Variants in RPS6KA2 observed in about 807,000 individuals in gnomAD.
RPS6KA2 encodes the protein ribosomal protein S6 kinase A2.
In RPS6KA2, 42 loss-of-function variants were observed where a neutral mutation model predicts 91.8. That is an observed-to-expected ratio of 0.46 (90% CI 0.36 to 0.59). The LOEUF (loss-of-function observed/expected upper bound fraction) is 0.59, where lower values mean the gene tolerates loss of function less well. RPS6KA2 is among the 20% of genes least tolerant of loss of function. The pLI, the probability that RPS6KA2 is intolerant of heterozygous loss-of-function variation, is 0.00. For synonymous variants in RPS6KA2, 414 were observed against 393.6 expected (o/e 1.05, Z -0.61); for missense variants, 798 against 978.5 (o/e 0.82, Z 2.46).
intron 2 of RPS6KA2, among the ~76,000 whole-genome samples, chr6:166,681,534 G>A (rs910328618): frequency 3.3e-5 from 5 of 151,624 alleles, no homozygotes; most frequent in African/African-American, 9.7e-5. Flanking sequence ...AGTGCTGATC[G>A]GTGGCCCCAG....
At position 166,861,560 on chromosome 6, in the gene RPS6KA2, T is replaced by C. The variant is rs116435908; in HGVS notation, c.63+548A>G. ...CTGGGACGGGCAAGGAACACTTTGA[T>C]TTCATTATCTTTTCTGTTTATCTTT... is the stretch of plus-strand genomic sequence containing the variant. On this transcript the variant is annotated intron_variant, in intron 1 of 21. Transcript: ENST00000503859. Among the ~76,000 whole-genome samples the C allele has an allele frequency of 5.4e-3, 819 of 152,356 alleles. 8 individuals carry two copies. Among genetic ancestry groups the C allele is most frequent in the African/African-American group, 0.019 (786 of 41,576 alleles).
chr6:166,772,500 A>C (rs1313072902), intron 2 of RPS6KA2, among the ~76,000 whole-genome samples: 1 of 152,248 alleles, frequency 6.6e-6, no homozygotes, highest in Non-Finnish European at 1.5e-5. Flanking sequence ...TGAGCCAACA[A>C]ATTGCCAATT....
At chr6:166,756,298 A>C (rs933240581) in intron 2 of RPS6KA2, among the ~76,000 whole-genome samples, 1 of 152,160 alleles carries the variant, frequency 6.6e-6, no homozygotes. Context: ...TCAAAAAAAA[A>C]CCAAAAACAA....
At chr6:166,514,642 CAT>C (rs2128484612) in intron 3 of RPS6KA2, among the ~76,000 whole-genome samples, 1 of 152,286 alleles carries the variant, frequency 6.6e-6, no homozygotes, top group South Asian at 2.1e-4. Context: ...TCACACAGCA[CAT>C]GTTTAGGGCC....
At chr6:166,424,825 A>T in intron 16 of RPS6KA2, among the ~76,000 whole-genome samples, 1 of 152,332 alleles carries the variant, frequency 6.6e-6, no homozygotes, top group Middle Eastern at 3.4e-3. Flanking sequence ...GAAAATTCTT[A>T]ATTTCTTTTG....
At chr6:166,477,824 C>T (rs561238106) in intron 10 of RPS6KA2, among the ~76,000 whole-genome samples, 1 of 152,248 alleles carries the variant, frequency 6.6e-6, no homozygotes, top group African/African-American at 2.4e-5. Flanking sequence ...CGTGGGAGGA[C>T]TGCCTGAGTC....
intron 2 of RPS6KA2, among the ~76,000 whole-genome samples, chr6:166,832,063 T>C (rs1369730598): frequency 6.6e-6 from 1 of 151,548 alleles, no homozygotes; most frequent in Non-Finnish European, 1.5e-5. Context: ...GATAGATAGA[T>C]AGATAGATAG....
At chr6:166,562,224 C>T (rs911954423) in intron 1 of RPS6KA2, among the ~76,000 whole-genome samples, 9 of 152,174 alleles carry the variant, frequency 5.9e-5, no homozygotes, top group African/African-American at 2.2e-4. Flanking sequence ...ACTCACTTTG[C>T]ATCTCTAGGA....
intron 2 of RPS6KA2, among the ~76,000 whole-genome samples, chr6:166,709,070 C>T (rs1365117609): frequency 6.6e-6 from 1 of 152,182 alleles, no homozygotes; most frequent in Non-Finnish European, 1.5e-5. Flanking sequence ...CACATTCCCC[C>T]AGCCGGGTAC....
At chr6:166,644,748 C>T (rs1404622007) in intron 2 of RPS6KA2, among the ~76,000 whole-genome samples, 1 of 152,214 alleles carries the variant, frequency 6.6e-6, no homozygotes, top group Non-Finnish European at 1.5e-5. Flanking sequence ...AGTCCTAACC[C>T]CTAGTACCTG....
At chr6:166,552,623 C>T (rs901461322) in intron 1 of RPS6KA2, among the ~76,000 whole-genome samples, 2 of 152,204 alleles carry the variant, frequency 1.3e-5, no homozygotes, top group Admixed American at 1.3e-4. Flanking sequence ...ATCTGGACCA[C>T]ACGCCTTGCC....
chr6:166,766,685 A>C (rs1778319460), intron 2 of RPS6KA2, among the ~76,000 whole-genome samples: 3 of 152,254 alleles, frequency 2.0e-5, no homozygotes, highest in African/African-American at 7.2e-5. Flanking sequence ...TCTAATTCTG[A>C]CTACAGCACT....
chr6:166,827,396 G>C (rs1325321809), intron 2 of RPS6KA2, among the ~76,000 whole-genome samples: 1 of 151,700 alleles, frequency 6.6e-6, no homozygotes, highest in East Asian at 1.9e-4. Context: ...CCTTGTTATT[G>C]ATCTTGTGGC....
chr6:166,615,482 G>A (rs1012606622), intron 1 of RPS6KA2, among the ~76,000 whole-genome samples: 3 of 152,216 alleles, frequency 2.0e-5, no homozygotes, highest in Admixed American at 6.5e-5. Context: ...TTTAATGAAA[G>A]GAAGCAGTGG....
intron 1 of RPS6KA2, among the ~76,000 whole-genome samples, chr6:166,552,189 T>G (rs1784041199): frequency 6.6e-6 from 1 of 152,236 alleles, no homozygotes; most frequent in Non-Finnish European, 1.5e-5. Context: ...CAATTCTCAA[T>G]TTCACAGGTC....
At chr6:166,744,827 C>T (rs11963649) in intron 2 of RPS6KA2, among the ~76,000 whole-genome samples, 2 of 152,152 alleles carry the variant, frequency 1.3e-5, no homozygotes, top group Admixed American at 6.5e-5. Flanking sequence ...AGAGGGAGCA[C>T]CCTCAGTACT....
intron 2 of RPS6KA2, among the ~76,000 whole-genome samples, chr6:166,805,687 A>G (rs79690004): frequency 0.043 from 6,579 of 152,310 alleles, 546 homozygotes; most frequent in East Asian, 0.39. Flanking sequence ...CTACCACATT[A>G]TTAGATTCCA....
chr6:166,791,479 A>G (rs1234723074), intron 2 of RPS6KA2, among the ~76,000 whole-genome samples: 11 of 152,234 alleles, frequency 7.2e-5, no homozygotes, highest in Non-Finnish European at 1.3e-4. Flanking sequence ...TAACAAGGAT[A>G]TCCAGGAATT....
intron 2 of RPS6KA2, among the ~76,000 whole-genome samples, chr6:166,792,220 A>G (rs571959986): frequency 6.6e-6 from 1 of 152,356 alleles, no homozygotes; most frequent in East Asian, 1.9e-4. Context: ...AGAATATTAT[A>G]AACACCTCTA....
Sources: allele counts gnomAD v4.1 joint callset (sites outside exome capture counted in the v4.1 genomes callset), GRCh38; gene constraint gnomAD v4.1.1; transcripts MANE v1.5; gene names NCBI Gene and HGNC (gene_info 2026-07-23, HGNC 2026-07-21).